Variants in PCSK2 observed in about 807,000 individuals in gnomAD.
The protein encoded by PCSK2 is proprotein convertase subtilisin/kexin type 2.
Under a neutral mutation model 69.7 loss-of-function variants are expected in PCSK2, and 14 were observed. The ratio of observed to expected loss-of-function variants is 0.20; its 90% CI spans 0.13 to 0.31. PCSK2 has a LOEUF of 0.31. Among genes scored for constraint, PCSK2 ranks in the 10% least tolerant of loss-of-function variants. PCSK2 has a pLI of 1.00. For synonymous variants in PCSK2, 307 were observed against 320.7 expected (o/e 0.96, Z 0.46); for missense variants, 544 against 842.5 (o/e 0.65, Z 4.39).
chr20:17,242,733 C>A (rs1422339302), intron 1 of PCSK2, among the ~76,000 whole-genome samples: 1 of 152,184 alleles, frequency 6.6e-6, no homozygotes, highest in African/African-American at 2.4e-5. Context: ...ACTCCACAGG[C>A]CTTGTGCTAT....
Position 17,482,125 on chromosome 20 carries a change from C to G in PCSK2, c.*55C>G, listed in dbSNP as rs1201883246. 8 of 1,494,254 alleles carry G rather than the reference C, an allele frequency of 5.4e-6. No individual in the cohort carries two copies. In the South Asian group the frequency reaches 6.8e-5, roughly 13 times the overall value. The allele number at this position is 1,494,254 out of a possible 1,614,324, so 92.6% of individuals were successfully genotyped here. A position where few individuals can be genotyped will look rare whatever the true frequency, so the allele number is the denominator to read the frequency against. On this transcript the variant is annotated 3_prime_UTR_variant, in exon 12 of 12. Transcript: ENST00000262545. ...CCCTCCCCAGCTCCGCCTCTGTCCTCGCTCCACGTTTCAGGCAGGCACCTA... is the reference window on the plus strand; with the variant it reads ...CCCTCCCCAGCTCCGCCTCTGTCCTGGCTCCACGTTTCAGGCAGGCACCTA...
At chr20:17,334,378 G>A (rs1448183662) in intron 2 of PCSK2, among the ~76,000 whole-genome samples, 1 of 152,150 alleles carries the variant, frequency 6.6e-6, no homozygotes, top group African/African-American at 2.4e-5. Flanking sequence ...GGTACAATGA[G>A]AATCAGAAAA....
intron 6 of PCSK2, among the ~76,000 whole-genome samples, chr20:17,412,119 TCTC>T (rs2031888875): frequency 6.6e-6 from 1 of 152,092 alleles, no homozygotes; most frequent in African/African-American, 2.4e-5. Flanking sequence ...GAGTGCCTCT[TCTC>T]CTCCAAAGGA....
intron 5 of PCSK2, among the ~76,000 whole-genome samples, chr20:17,396,393 A>G (rs531099807): frequency 3.3e-5 from 5 of 152,308 alleles, no homozygotes; most frequent in East Asian, 1.9e-4. Flanking sequence ...TCCTGTCCTG[A>G]GTCCCGGAGG....
intron 2 of PCSK2, among the ~76,000 whole-genome samples, chr20:17,305,661 C>G (rs900151866): frequency 2.0e-5 from 3 of 152,108 alleles, no homozygotes; most frequent in African/African-American, 7.2e-5. Context: ...AGCACATAGC[C>G]TAATAAGTAT....
chr20:17,261,310 A>G (rs905922980), intron 2 of PCSK2, among the ~76,000 whole-genome samples: 7 of 152,226 alleles, frequency 4.6e-5, no homozygotes, highest in Non-Finnish European at 8.8e-5. Flanking sequence ...GGACTTTCAC[A>G]TGAGATTCTT....
chr20:17,333,459 A>C (rs1990255288), intron 2 of PCSK2, among the ~76,000 whole-genome samples: 1 of 152,160 alleles, frequency 6.6e-6, no homozygotes, highest in Admixed American at 6.5e-5. Flanking sequence ...CTCCAAAGGA[A>C]ACAAGAGACA....
chr20:17,249,234 C>A (rs1057302041), intron 1 of PCSK2, among the ~76,000 whole-genome samples: 1 of 152,088 alleles, frequency 6.6e-6, no homozygotes, highest in African/African-American at 2.4e-5. Flanking sequence ...AAGTCGGGCG[C>A]GGTGGCTCAC....
intron 2 of PCSK2, among the ~76,000 whole-genome samples, chr20:17,284,044 C>T (rs1238640846): frequency 6.6e-6 from 1 of 152,174 alleles, no homozygotes; most frequent in Non-Finnish European, 1.5e-5. Context: ...TCCATGTAGC[C>T]CTGACTTTTG....
At chr20:17,347,785 GACGA>G (rs1990688135) in intron 2 of PCSK2, among the ~76,000 whole-genome samples, 1 of 86,646 alleles carries the variant, frequency 1.2e-5, no homozygotes, top group African/African-American at 4.6e-5. Context: ...AAGACACATA[GACGA>G]AAGAAAGAAA....
intron 2 of PCSK2, among the ~76,000 whole-genome samples, chr20:17,276,228 A>G (rs1362479294): frequency 6.6e-6 from 1 of 152,160 alleles, no homozygotes; most frequent in East Asian, 1.9e-4. Context: ...AGTTTTAAAA[A>G]TCAAATGCAA....
chr20:17,253,041 C>T (rs758306618), intron 1 of PCSK2, among the ~76,000 whole-genome samples: 11 of 152,140 alleles, frequency 7.2e-5, no homozygotes, highest in East Asian at 1.9e-4. Flanking sequence ...AATATACAAC[C>T]TTATAGGGAA....
In PCSK2 at chr20:17,329,345, T is replaced by A. The variant is rs562285768; in HGVS notation, c.283-28982T>A. 4.6e-5 allele frequency among the ~76,000 whole-genome samples: 7 copies of A among 152,330 alleles called. No individual in the cohort carries two copies. The East Asian group carries it at 1.3e-3, about 29-fold the overall frequency. ...GAGGGTTATCATAAATATTATTAGT[T>A]ATATATGAGCTAACCCCAAAACATC... is the stretch of plus-strand genomic sequence containing the variant. On this transcript the variant is annotated intron_variant, in intron 2 of 11. Transcript: ENST00000262545.
In PCSK2 at chr20:17,456,503, T is replaced by C. The variant is rs2032926125; in HGVS notation, c.1202+55T>C. 7.5e-6 allele frequency: 7 copies of C among 932,968 alleles called. No homozygotes were observed. In the Admixed American group the frequency reaches 1.3e-4, roughly 18 times the overall value. The allele number at this position is 932,968 out of a possible 1,614,324, so 57.8% of individuals were successfully genotyped here. A position where few individuals can be genotyped will look rare whatever the true frequency, so the allele number is the denominator to read the frequency against. On this transcript the variant is annotated intron_variant, in intron 10 of 11. Coordinates refer to ENST00000262545, the MANE Select transcript of PCSK2 (RefSeq NM_002594.5). ...GCTCTGCAGGGTGGACTAACACGTGTCTCTCTGCCCACATGCCAGGTGTCC... is the reference window on the plus strand; with the variant it reads ...GCTCTGCAGGGTGGACTAACACGTGCCTCTCTGCCCACATGCCAGGTGTCC...
At chr20:17,360,453 G>C (rs1742085941) in intron 3 of PCSK2, 79 bp from the exon 4 acceptor site, 1 of 792,526 alleles carries the variant, frequency 1.3e-6, no homozygotes, top group Admixed American at 2.3e-5. Context: ...TGGCTATAGA[G>C]TATGTCAAGT....
At chr20:17,461,773 C>T (rs560609853) in intron 10 of PCSK2, among the ~76,000 whole-genome samples, 11 of 152,222 alleles carry the variant, frequency 7.2e-5, no homozygotes, top group South Asian at 4.1e-4. Flanking sequence ...GCCTTGCACA[C>T]GAGAAAAACA....
chr20:17,384,011 G>A (rs532770294), intron 5 of PCSK2, among the ~76,000 whole-genome samples: 53 of 152,190 alleles, frequency 3.5e-4, no homozygotes, highest in African/African-American at 1.2e-3. Flanking sequence ...AAATAACACC[G>A]AACACCAAAT....
intron 8 of PCSK2, among the ~76,000 whole-genome samples, chr20:17,444,989 A>T (rs1446022328): frequency 6.6e-6 from 1 of 152,206 alleles, no homozygotes; most frequent in Non-Finnish European, 1.5e-5. Context: ...GACATTTGGA[A>T]ACTCCCAGGC....
chr20:17,394,758 A>C (rs16999079), intron 5 of PCSK2, among the ~76,000 whole-genome samples: 29,127 of 152,114 alleles, frequency 0.19, 3,083 homozygotes, highest in Middle Eastern at 0.27. Context: ...GGTGTTTCAT[A>C]TTGTAGCAAC....
Sources: gnomAD v4.1 joint callset for allele counts (sites outside exome capture counted in the v4.1 genomes callset) on GRCh38, gnomAD v4.1.1 for gene constraint, MANE v1.5 for transcripts, NCBI Gene and HGNC (gene_info 2026-07-23, HGNC 2026-07-21) for gene names.